MEIS2: variants seen among roughly 807,000 people sequenced by gnomAD.
MEIS2 encodes the protein homeobox protein Meis2.
MEIS2 carries 9 observed loss-of-function variants against 58.6 expected under a neutral mutation model. That is an observed-to-expected ratio of 0.15 (90% CI 0.09 to 0.27). The LOEUF (loss-of-function observed/expected upper bound fraction) is 0.27. Ranked by LOEUF, MEIS2 falls within the 10% of genes least tolerant of loss-of-function variation. The probability of loss-of-function intolerance (pLI) is 1.00; values close to 1 mark genes in which losing one functional copy is unlikely to be tolerated. For synonymous variants in MEIS2, 221 were observed against 228.4 expected, an observed-to-expected ratio of 0.97 and a Z score of 0.29; for missense variants, 427 against 635.0, an observed-to-expected ratio of 0.67 and a Z score of 3.52.
At chr15:36,920,703 G>T (rs1411955794) in intron 9 of MEIS2, among the ~76,000 whole-genome samples, 1 of 152,174 alleles carries the variant, frequency 6.6e-6, no homozygotes, top group East Asian at 1.9e-4. Context: ...TAGGAATACA[G>T]TCTTGACTTA....
intron 11 of MEIS2, among the ~76,000 whole-genome samples, chr15:36,893,797 G>A (rs989700524): frequency 2.6e-5 from 4 of 152,150 alleles, no homozygotes; most frequent in Admixed American, 2.0e-4. Context: ...ATGGTGTGCC[G>A]TGGTGACCCC....
chr15:36,929,260 C>G (rs1484046625), intron 9 of MEIS2, among the ~76,000 whole-genome samples: 1 of 152,272 alleles, frequency 6.6e-6, no homozygotes, highest in African/African-American at 2.4e-5. Flanking sequence ...TGTAGTGAGT[C>G]AGTAAGATGA....
chr15:37,061,498 A>G (rs527868216), intron 7 of MEIS2, among the ~76,000 whole-genome samples: 2 of 152,318 alleles, frequency 1.3e-5, no homozygotes, highest in South Asian at 2.1e-4. Context: ...AAAATCACCA[A>G]ACTACTAAGA....
chr15:37,050,163 C>G (rs370300478), intron 7 of MEIS2, among the ~76,000 whole-genome samples: 33 of 152,212 alleles, frequency 2.2e-4, no homozygotes, highest in African/African-American at 7.9e-4. Context: ...CTTACATTAA[C>G]ACTCAGAACT....
intron 9 of MEIS2, among the ~76,000 whole-genome samples, chr15:36,912,261 G>T (rs2057066489): frequency 6.6e-6 from 1 of 152,136 alleles, no homozygotes; most frequent in African/African-American, 2.4e-5. Flanking sequence ...GGAACTATTT[G>T]AAAAACCAAA....
intron 9 of MEIS2, chr15:36,897,179 G>A (rs1251187783): frequency 6.4e-6 from 1 of 157,064 alleles, no homozygotes; most frequent in Non-Finnish European, 1.4e-5. Context: ...GCAGTAATAA[G>A]TGCTGGCCAG....
chr15:36,906,260 T>A (rs1349728137), intron 9 of MEIS2, among the ~76,000 whole-genome samples: 1 of 152,160 alleles, frequency 6.6e-6, no homozygotes, highest in Non-Finnish European at 1.5e-5. Flanking sequence ...TTGAGGAAGA[T>A]CTTTCCAAGA....
intron 9 of MEIS2, among the ~76,000 whole-genome samples, chr15:36,901,872 C>T (rs576860416): frequency 1.3e-5 from 2 of 152,244 alleles, no homozygotes; most frequent in Admixed American, 6.5e-5. Context: ...TACAAGGGCT[C>T]CTGGAGGTTC....
At chr15:37,041,872 T>C (rs1430703726) in intron 7 of MEIS2, among the ~76,000 whole-genome samples, 1 of 152,192 alleles carries the variant, frequency 6.6e-6, no homozygotes, top group Non-Finnish European at 1.5e-5. Context: ...ATAAAATTCA[T>C]GGTCATAAAA....
At chr15:36,924,542 C>T (rs988644144) in intron 9 of MEIS2, among the ~76,000 whole-genome samples, 2 of 152,186 alleles carry the variant, frequency 1.3e-5, no homozygotes, top group African/African-American at 4.8e-5. Context: ...AGGCAGCCAA[C>T]CTGAATTATA....
At chr15:36,893,447 A>G (rs545138403) in intron 11 of MEIS2, among the ~76,000 whole-genome samples, 6 of 152,206 alleles carry the variant, frequency 3.9e-5, no homozygotes, top group Non-Finnish European at 5.9e-5. Context: ...AAAACCATCT[A>G]AAGACAATAA....
chr15:37,079,870 G>A (rs1045163668), intron 7 of MEIS2, among the ~76,000 whole-genome samples: 1 of 152,044 alleles, frequency 6.6e-6, no homozygotes, highest in Non-Finnish European at 1.5e-5. Context: ...ATGTATTTAG[G>A]TTAACTGGGT....
Position 36,891,529 on chromosome 15 carries a change from A to C in MEIS2, c.*644T>G, listed in dbSNP as rs1236302051. On this transcript the variant is annotated 3_prime_UTR_variant, in exon 12 of 12. Transcript: ENST00000561208. Reference sequence around the variant, plus strand: ...ATCTTCATTGGCAAGCTCTTTGAAGAAGAGTCCCCCAAAAATAATAATAAG... The same window carrying C: ...ATCTTCATTGGCAAGCTCTTTGAAGCAGAGTCCCCCAAAAATAATAATAAG... 1 of 152,764 alleles carries C rather than the reference A, an allele frequency of 6.5e-6. No homozygotes were observed. The highest frequency in any genetic ancestry group is 2.4e-5 in the African/African-American group (1 of 41,462). The allele number at this position is 152,764 out of a possible 1,614,324, so 9.5% of individuals were successfully genotyped here. A position where few individuals can be genotyped will look rare whatever the true frequency, so the allele number is the denominator to read the frequency against.
intron 9 of MEIS2, among the ~76,000 whole-genome samples, chr15:36,935,573 A>G (rs1188730815): frequency 6.6e-6 from 1 of 152,198 alleles, no homozygotes; most frequent in Non-Finnish European, 1.5e-5. Flanking sequence ...TACAACAGCA[A>G]TATAAAGTTA....
chr15:36,902,530 T>C (rs1049204124), intron 9 of MEIS2, among the ~76,000 whole-genome samples: 1 of 152,220 alleles, frequency 6.6e-6, no homozygotes, highest in Non-Finnish European at 1.5e-5. Context: ...CTTGAGCTTG[T>C]TAGAGATGCA....
At chr15:36,969,146 T>A (rs1330542972) in intron 8 of MEIS2, among the ~76,000 whole-genome samples, 2 of 152,214 alleles carry the variant, frequency 1.3e-5, no homozygotes, top group African/African-American at 4.8e-5. Context: ...TTGTATTTCT[T>A]CTCTTAGTTT....
At chr15:37,015,420 T>C (rs1158828411) in intron 8 of MEIS2, among the ~76,000 whole-genome samples, 2 of 152,140 alleles carry the variant, frequency 1.3e-5, no homozygotes, top group Admixed American at 6.5e-5. Flanking sequence ...ACATTTTTTT[T>C]CTTTTCCCCC....
chr15:37,044,874 A>G (rs1185163735), intron 7 of MEIS2, among the ~76,000 whole-genome samples: 3 of 152,194 alleles, frequency 2.0e-5, no homozygotes, highest in Admixed American at 6.5e-5. Context: ...AGAAAGAGTA[A>G]ACACTCAAAT....
Position 37,098,803 on chromosome 15 carries a change from A to G in MEIS2, c.13-604T>C, listed in dbSNP as rs1242353131. ...AAATAAAGAGAAGAAAAACGCTAAT[A>G]ATCAGCACGAGAACGCCGAGGACTA... On this transcript the variant is annotated intron_variant, in intron 1 of 11. Coordinates refer to ENST00000561208, the MANE Select transcript of MEIS2 (RefSeq NM_170675.5). The G allele has an allele frequency of 5.1e-6, 3 of 592,146 alleles. No individual in the cohort carries two copies. The African/African-American group carries it at 6.0e-5, about 12-fold the overall frequency. The allele number at this position is 592,146 out of a possible 1,614,324, so 36.7% of individuals were successfully genotyped here. A position where few individuals can be genotyped will look rare whatever the true frequency, so the allele number is the denominator to read the frequency against.
Sources: allele counts gnomAD v4.1 joint callset (sites outside exome capture counted in the v4.1 genomes callset), GRCh38; gene constraint gnomAD v4.1.1; transcripts MANE v1.5; gene names NCBI Gene and HGNC (gene_info 2026-07-23, HGNC 2026-07-21).